NARF: variants seen among roughly 807,000 people sequenced by gnomAD.
NARF encodes the protein nuclear prelamin A recognition factor, also known as iron-only hydrogenase-like protein 2.
A neutral mutation model predicts 48.0 loss-of-function variants in NARF; 41 were observed. The observed-to-expected ratio is 0.85, with a 90% CI of 0.66 to 1.11. The LOEUF is 1.11. Ranked by LOEUF, NARF falls within the 50% of genes least tolerant of loss-of-function variation. The pLI is 0.00. For missense variants in NARF, 613 were observed against 590.2 expected, an observed-to-expected ratio of 1.04 and a Z score of -0.40; for synonymous variants, 215 against 225.5, an observed-to-expected ratio of 0.95 and a Z score of 0.42.
chr17:82,480,940 A>AC, intron 6 of NARF, 142 bp from the exon 7 acceptor site: 1 of 1,088,692 alleles, frequency 9.2e-7, no homozygotes. Flanking sequence ...CAAAAAAAAA[A>AC]AAAAAAAAAG....
intron 8 of NARF, chr17:82,484,248 T>A (rs2044041983): frequency 6.2e-6 from 1 of 160,244 alleles, no homozygotes; most frequent in South Asian, 1.8e-4. Flanking sequence ...GGGCTCCTGC[T>A]GCACCCCAGG....
intron 2 of NARF, chr17:82,461,019 A>G (rs1355428883): frequency 6.6e-6 from 1 of 151,924 alleles, no homozygotes; most frequent in Non-Finnish European, 1.5e-5. Context: ...GGCTCAAGTG[A>G]TTCTCCTGCC....
At chr17:82,485,090 C>G in intron 9 of NARF, 140 bp downstream of exon 9, 3 of 1,150,828 alleles carry the variant, frequency 2.6e-6, no homozygotes, top group Non-Finnish European at 3.5e-6. Flanking sequence ...TGTGTTTATT[C>G]AGACCTTTTA....
At chr17:82,478,550 A>G (rs1362618340) in intron 5 of NARF, 2 of 583,082 alleles carry the variant, frequency 3.4e-6, no homozygotes, top group Non-Finnish European at 6.5e-6. Flanking sequence ...TCCGACTCTT[A>G]CTTGTCTGTC....
intron 4 of NARF, 135 bp downstream of exon 4, chr17:82,469,031 C>A: frequency 1.0e-6 from 1 of 979,474 alleles, no homozygotes; most frequent in African/African-American, 1.6e-5. Flanking sequence ...CGTAAAAAGA[C>A]CATGTCCCGT....
chr17:82,478,581 A>G (rs1394144225), intron 5 of NARF: 2 of 642,548 alleles, frequency 3.1e-6, no homozygotes, highest in African/African-American at 3.6e-5. Context: ...GGATGCTCCC[A>G]TTTCCCAGTA....
intron 1 of NARF, 119 bp from the exon 2 acceptor site, chr17:82,459,868 AAAAAT>A (rs1443263792): frequency 1.5e-5 from 12 of 788,654 alleles, no homozygotes; most frequent in African/African-American, 8.8e-5. Flanking sequence ...CTCCGTCTAA[AAAAAT>A]AAATAAATAA....
At chr17:82,481,862 C>A in intron 7 of NARF, 1 of 350,394 alleles carries the variant, frequency 2.9e-6, no homozygotes, top group South Asian at 2.0e-5. Context: ...CATAGCGGGT[C>A]TCCTAATCAC....
rs1333989138 is a variant in NARF, at chr17:82,490,166, C to G, written c.*2009C>G. The G allele has an allele frequency of 6.6e-6, 1 of 152,186 alleles. No individual in the cohort carries two copies. Among genetic ancestry groups the G allele is most frequent in the East Asian group, 1.9e-4 (1 of 5,186 alleles). 9.4% of individuals were successfully genotyped at this position (152,186 alleles called of 1,614,324 possible). On this transcript the variant is annotated 3_prime_UTR_variant, in exon 11 of 11. Coordinates refer to ENST00000309794, the MANE Select transcript of NARF (RefSeq NM_012336.4). Reference sequence around the variant, plus strand: ...TAAAAAGGAGAAAGCAGTTTAACCACAAACAGTGAAACAGAGCTGGCAGAC... The same window carrying G: ...TAAAAAGGAGAAAGCAGTTTAACCAGAAACAGTGAAACAGAGCTGGCAGAC...
intron 5 of NARF, among the ~76,000 whole-genome samples, chr17:82,475,139 C>T (rs2043804706): frequency 6.6e-6 from 1 of 152,114 alleles, no homozygotes; most frequent in African/African-American, 2.4e-5. Flanking sequence ...CCTCTGTGGT[C>T]CCCTTGCAGG....
At chr17:82,477,536 A>G (rs2043860744) in intron 5 of NARF, 1 of 152,154 alleles carries the variant, frequency 6.6e-6, no homozygotes, top group South Asian at 2.1e-4. Context: ...AAAACAACAC[A>G]GAGTCTTGCT....
upstream of NARF, chr17:82,458,484 G>T: frequency 3.0e-6 from 1 of 330,194 alleles, no homozygotes. Context: ...GGAAACCGGC[G>T]CAAGGACCCG....
At chr17:82,487,691 G>T (rs754875019) in intron 10 of NARF, among the ~76,000 whole-genome samples, 2 of 152,146 alleles carry the variant, frequency 1.3e-5, no homozygotes, top group Non-Finnish European at 2.9e-5. Context: ...GGGTGCGGTG[G>T]CTCACGCCAG....
chr17:82,464,959 C>G (rs1273756700), intron 3 of NARF, among the ~76,000 whole-genome samples: 2 of 152,206 alleles, frequency 1.3e-5, no homozygotes, highest in African/African-American at 4.8e-5. Context: ...TTAGTCCATT[C>G]TCACATTGCT....
chr17:82,474,657 C>G (rs2043793086), intron 5 of NARF, among the ~76,000 whole-genome samples: 1 of 152,204 alleles, frequency 6.6e-6, no homozygotes, highest in South Asian at 2.1e-4. Flanking sequence ...TTTTACATGT[C>G]AACCTTTAGT....
chr17:82,471,668 T>C (rs2043710517), intron 4 of NARF, among the ~76,000 whole-genome samples: 1 of 147,258 alleles, frequency 6.8e-6, no homozygotes, highest in African/African-American at 2.5e-5. Flanking sequence ...GGTGGGCGCC[T>C]GTAGTCCCAG....
intron 5 of NARF, among the ~76,000 whole-genome samples, chr17:82,474,697 C>T (rs78421492): frequency 6.6e-6 from 1 of 152,170 alleles, no homozygotes; most frequent in African/African-American, 2.4e-5. Flanking sequence ...TAAGATGGAA[C>T]ATTGACATCG....
intron 5 of NARF, chr17:82,477,006 T>C (rs2043847793): frequency 6.6e-6 from 1 of 151,992 alleles, no homozygotes; most frequent in South Asian, 2.1e-4. Flanking sequence ...GTGCTGGGAT[T>C]AGAGGTGTGA....
At chr17:82,478,032 C>T (rs149543844) in intron 5 of NARF, 2 of 152,752 alleles carry the variant, frequency 1.3e-5, no homozygotes, top group South Asian at 2.0e-4. Flanking sequence ...TTGCGTGGCT[C>T]TCATGTACAC....
Sources: gnomAD v4.1 joint callset for allele counts (sites outside exome capture counted in the v4.1 genomes callset) on GRCh38, gnomAD v4.1.1 for gene constraint, MANE v1.5 for transcripts, NCBI Gene and HGNC (gene_info 2026-07-23, HGNC 2026-07-21) for gene names.